ARID2: variants seen among roughly 807,000 people sequenced by gnomAD.
ARID2 encodes AT-rich interaction domain 2.
ARID2 carries 32 observed loss-of-function variants against 184.6 expected under a neutral mutation model. The observed-to-expected ratio is 0.17, with a 90% confidence interval of 0.13 to 0.23. ARID2 has a LOEUF of 0.23. ARID2 is among the 10% of genes least tolerant of loss of function. The probability of loss-of-function intolerance (pLI) is 1.00; values close to 1 mark genes in which losing one functional copy is unlikely to be tolerated. For synonymous variants in ARID2, 836 were observed against 772.6 expected (o/e 1.08, Z -1.36); for missense variants, 1,696 against 2,197.6 (o/e 0.77, Z 4.56).
intron 3 of ARID2, among the ~76,000 whole-genome samples, chr12:45,779,833 CT>C (rs1942056064): frequency 6.6e-6 from 1 of 151,828 alleles, no homozygotes. Flanking sequence ...AAAATAAATC[CT>C]TGCTCATTTA....
intron 12 of ARID2, among the ~76,000 whole-genome samples, chr12:45,847,466 GA>G: frequency 6.6e-6 from 1 of 151,848 alleles, no homozygotes. Context: ...ATATTTCCTT[GA>G]AAAGATTGTG....
chr12:45,795,487 A>G (rs1012363023), intron 3 of ARID2, among the ~76,000 whole-genome samples: 3 of 151,480 alleles, frequency 2.0e-5, no homozygotes, highest in Admixed American at 1.3e-4. Context: ...GCTGGAGTGC[A>G]GTGGTGCGAT....
chr12:45,843,872 G>A (rs1056608681), intron 11 of ARID2, among the ~76,000 whole-genome samples: 1 of 152,034 alleles, frequency 6.6e-6, no homozygotes, highest in Non-Finnish European at 1.5e-5. Flanking sequence ...GGCTCTTTTT[G>A]TTACTTAGAA....
rs1167243616 is a variant in ARID2, at chr12:45,852,169, T to C, written c.4046T>C (p.Ile1349Thr). 10 of 1,613,926 alleles carry C rather than the reference T, an allele frequency of 6.2e-6. No individual in the cohort carries two copies. Among genetic ancestry groups the C allele is most frequent in the Non-Finnish European group, 8.5e-6 (10 of 1,180,000 alleles). The change falls in exon 15 of 21, where the codon ATC becomes ACC. Residue 1349 changes from isoleucine (I) to threonine (T), a missense_variant. Physicochemically the swap from Ile to Thr is moderately conservative, Grantham distance 89. This residue lies in a region of ARID2 where 428 missense variants were observed against 409.1 expected (regional missense o/e 1.05). Transcript: ENST00000334344. ...QNSEQIDMQD[I>T]KSDLRKPLVN... ...TCAGAACAAATAGACATGCAAGATA[T>C]CAAAAGTGATTTGAGAAAACCGCTA...
intron 3 of ARID2, among the ~76,000 whole-genome samples, chr12:45,742,394 G>A (rs535853557): frequency 6.6e-6 from 1 of 152,276 alleles, no homozygotes; most frequent in East Asian, 1.9e-4. Context: ...ATGCCTTATA[G>A]CCTAGGTATG....
Position 45,851,930 on chromosome 12 carries a change from G to A in ARID2, c.3807G>A (p.Pro1269=), listed in dbSNP as rs758509392. ...HERKIEVMEN[P]SCRRGATNTS... is the part of the protein sequence containing the mutation. ...GTAAAATTGAAGTCATGGAGAACCCGTCCTGCCGACGAGGAGCCACAAACA... is the reference window on the plus strand; with the variant it reads ...GTAAAATTGAAGTCATGGAGAACCCATCCTGCCGACGAGGAGCCACAAACA... The change falls in exon 15 of 21, where the codon CCG becomes CCA. Residue 1269 remains proline (P), a synonymous_variant. Transcript: ENST00000334344. The A allele has an allele frequency of 9.3e-6, 15 of 1,614,042 alleles. No individual in the cohort carries two copies. Among genetic ancestry groups the A allele is most frequent in the African/African-American group, 4.0e-5 (3 of 74,932 alleles).
At chr12:45,738,980 T>C (rs1328978035) in intron 3 of ARID2, among the ~76,000 whole-genome samples, 2 of 151,856 alleles carry the variant, frequency 1.3e-5, no homozygotes, top group Non-Finnish European at 2.9e-5. Context: ...GTCTTTTTTT[T>C]TCTTTTTGAG....
At chr12:45,839,950 A>C (rs1215953371) in intron 11 of ARID2, 2 of 158,642 alleles carry the variant, frequency 1.3e-5, no homozygotes, top group African/African-American at 4.8e-5. Flanking sequence ...AGCCTAGGAG[A>C]AGACACATGC....
intron 3 of ARID2, among the ~76,000 whole-genome samples, chr12:45,767,209 A>C (rs1341462357): frequency 6.6e-6 from 1 of 152,126 alleles, no homozygotes; most frequent in Non-Finnish European, 1.5e-5. Flanking sequence ...GAGCCTGTTC[A>C]AGTCTTTTGT....
At chr12:45,751,644 G>A (rs1211931219) in intron 3 of ARID2, among the ~76,000 whole-genome samples, 6 of 152,192 alleles carry the variant, frequency 3.9e-5, no homozygotes, top group East Asian at 1.9e-4. Flanking sequence ...TTTGAACAAC[G>A]TAGAGTGTAC....
rs1337807973 is a variant in ARID2, at chr12:45,737,198, C to T, written c.284+5884C>T. ...GATGTCCAGGAATAGCTATCACATT[C>T]TGAATTGTTGACCAAAAATGATAGA... is the stretch of plus-strand genomic sequence containing the variant. On this transcript the variant is annotated intron_variant, in intron 3 of 20. Transcript: ENST00000334344. Among the ~76,000 whole-genome samples, 9 of 152,226 alleles carry T rather than the reference C, an allele frequency of 5.9e-5. No homozygotes were observed. The South Asian group carries it at 1.7e-3, about 28-fold the overall frequency.
At position 45,839,400 on chromosome 12, in the gene ARID2, A is replaced by G. The variant is rs1197776491; in HGVS notation, c.1402A>G (p.Ile468Val). 1 of 1,614,156 alleles carries G rather than the reference A, an allele frequency of 6.2e-7. No homozygotes were observed. Among genetic ancestry groups the G allele is most frequent in the Non-Finnish European group, 8.5e-7 (1 of 1,180,010 alleles). ...GPDALAAVKL[I>V]EHPSSSHQML... Reference sequence around the variant, plus strand: ...TGATGCACTAGCTGCGGTAAAACTCATTGAACACCCAAGTTCCAGTCATCA... The same window carrying G: ...TGATGCACTAGCTGCGGTAAAACTCGTTGAACACCCAAGTTCCAGTCATCA... Residue 468 changes from isoleucine to valine, a missense_variant, in exon 11 of 21, where the codon ATT becomes GTT. Ile to Val is a conservative substitution (Grantham distance 29). Transcript: ENST00000334344.
At chr12:45,823,564 A>C (rs1315992400) in intron 6 of ARID2, among the ~76,000 whole-genome samples, 2 of 152,104 alleles carry the variant, frequency 1.3e-5, no homozygotes, top group East Asian at 3.8e-4. Flanking sequence ...ATAGCTAAGA[A>C]AAAAGAGAGA....
At chr12:45,847,843 A>AT (rs1943472680) in intron 12 of ARID2, among the ~76,000 whole-genome samples, 1 of 151,880 alleles carries the variant, frequency 6.6e-6, no homozygotes, top group Non-Finnish European at 1.5e-5. Flanking sequence ...CACCTTCTAT[A>AT]TTTTTACACA....
chr12:45,849,429 C>G (rs1335765585), intron 13 of ARID2, 151 bp from the exon 14 acceptor site: 2 of 501,072 alleles, frequency 4.0e-6, no homozygotes, highest in Non-Finnish European at 6.7e-6. Flanking sequence ...TTTTATATTT[C>G]TTTGCTTTCC....
chr12:45,748,707 A>C (rs1207526555), intron 3 of ARID2, among the ~76,000 whole-genome samples: 2 of 152,188 alleles, frequency 1.3e-5, no homozygotes, highest in African/African-American at 4.8e-5. Flanking sequence ...CTGCTTTATC[A>C]ACTAAATTTA....
At chr12:45,844,420 T>G (rs939821519) in intron 11 of ARID2, among the ~76,000 whole-genome samples, 3 of 152,200 alleles carry the variant, frequency 2.0e-5, no homozygotes, top group Non-Finnish European at 4.4e-5. Context: ...GGCAAGGGCA[T>G]TAAGCAGAAT....
intron 16 of ARID2, chr12:45,881,837 T>A: frequency 4.4e-6 from 1 of 226,080 alleles, no homozygotes; most frequent in South Asian, 7.2e-5. Flanking sequence ...CCCTCTTGTG[T>A]TTTTTGAACT....
rs761736425 is a variant in ARID2, at chr12:45,852,361, A to G, written c.4238A>G (p.Glu1413Gly). The change falls in exon 15 of 21, where the codon GAA (glutamate) becomes GGA (glycine). Residue 1413 changes from glutamate to glycine, a missense_variant. Glu to Gly is a moderately conservative substitution (Grantham distance 98). Around this residue, in one of 11 missense-constraint regions of ARID2, gnomAD observed 428 missense variants for 409.1 expected, o/e 1.05. Coordinates refer to ENST00000334344, the MANE Select transcript of ARID2 (RefSeq NM_152641.4). ...QQDTAKGDQL[E>G]RISNGPVLTL... The stretch of plus-strand genomic sequence containing the variant: ...GATACTGCCAAAGGTGATCAACTAG[A>G]AAGAATTTCTAATGGACCTGTATTA... 3 of 1,614,182 alleles carry G rather than the reference A, an allele frequency of 1.9e-6. No individual in the cohort carries two copies. The highest frequency in any genetic ancestry group is 3.3e-5 in the Admixed American group (2 of 60,028).
Sources: gnomAD v4.1 joint callset for allele counts (sites outside exome capture counted in the v4.1 genomes callset) on GRCh38, gnomAD v4.1.1 for gene constraint, gnomAD v4.1.1 regional missense constraint, MANE v1.5 for transcripts, NCBI Gene and HGNC (gene_info 2026-07-23, HGNC 2026-07-21) for gene names.